FSTL5: variants seen among roughly 807,000 people sequenced by gnomAD.
The protein encoded by FSTL5 is follistatin-related protein 5.
Under a neutral mutation model 89.1 loss-of-function variants are expected in FSTL5, and 62 were observed. The ratio of observed to expected loss-of-function variants is 0.70; its 90% confidence interval spans 0.57 to 0.86. The LOEUF is 0.86. Ranked by LOEUF, FSTL5 falls within the 40% of genes least tolerant of loss-of-function variation. The pLI, the probability that FSTL5 is intolerant of heterozygous loss-of-function variation, is 0.00. For missense variants in FSTL5, 1,057 were observed against 1,001.6 expected (o/e 1.06, Z -0.75); for synonymous variants, 383 against 346.2 (o/e 1.11, Z -1.18).
chr4:161,700,356 T>C (rs1185633397), intron 6 of FSTL5, among the ~76,000 whole-genome samples: 1 of 152,138 alleles, frequency 6.6e-6, no homozygotes. Context: ...ATAATTCCTC[T>C]CTTCCCATAA....
rs147533849 is a variant in FSTL5, at chr4:161,429,092, C to T, written c.1841+25912G>A. Among the ~76,000 whole-genome samples, 18 of 152,102 alleles carry T rather than the reference C, an allele frequency of 1.2e-4. 1 individual carries two copies. The South Asian group carries it at 1.9e-3, about 16-fold the overall frequency. ...GTAGCCAGGCAGTGCTCACTGCAGG[C>T]CTGGGGCAGTGGGGACCACAAGGAG... On this transcript the variant is annotated intron_variant, in intron 15 of 15. Coordinates refer to ENST00000306100, the MANE Select transcript of FSTL5 (RefSeq NM_020116.5).
At chr4:161,966,697 G>T (rs1735336746) in intron 3 of FSTL5, among the ~76,000 whole-genome samples, 3 of 151,980 alleles carry the variant, frequency 2.0e-5, no homozygotes, top group Non-Finnish European at 2.9e-5. Flanking sequence ...CCCTTCTCTC[G>T]CTGCCCTCAG....
chr4:161,419,977 G>T (rs753558594), intron 15 of FSTL5, among the ~76,000 whole-genome samples: 5 of 152,210 alleles, frequency 3.3e-5, no homozygotes, highest in Non-Finnish European at 7.3e-5. Context: ...AACAGGCAAA[G>T]AAGAGAGTTA....
intron 7 of FSTL5, among the ~76,000 whole-genome samples, chr4:161,615,829 T>A (rs1356247060): frequency 6.6e-6 from 1 of 152,182 alleles, no homozygotes; most frequent in Non-Finnish European, 1.5e-5. Flanking sequence ...ACACTATTAT[T>A]ATATTTCTGA....
intron 4 of FSTL5, among the ~76,000 whole-genome samples, chr4:161,840,621 C>G (rs1025475494): frequency 1.3e-5 from 2 of 152,136 alleles, no homozygotes; most frequent in Non-Finnish European, 2.9e-5. Context: ...TTTAGGTGCT[C>G]TATCTCTTCC....
At chr4:161,504,279 G>C in intron 11 of FSTL5, among the ~76,000 whole-genome samples, 1 of 151,758 alleles carries the variant, frequency 6.6e-6, no homozygotes, top group Non-Finnish European at 1.5e-5. Flanking sequence ...CAAACACAAA[G>C]TTCTTTAAGT....
chr4:161,736,193 T>G (rs1402976136), intron 6 of FSTL5, among the ~76,000 whole-genome samples: 4 of 152,178 alleles, frequency 2.6e-5, no homozygotes, highest in Non-Finnish European at 5.9e-5. Context: ...AGAATGTTAT[T>G]TTCTTACAAT....
chr4:161,715,709 G>T (rs769425876), intron 6 of FSTL5, among the ~76,000 whole-genome samples: 6 of 152,146 alleles, frequency 3.9e-5, no homozygotes, highest in Non-Finnish European at 8.8e-5. Context: ...GTACATATTA[G>T]ATACAAAACT....
At chr4:161,417,385 T>G (rs1731826747) in intron 15 of FSTL5, among the ~76,000 whole-genome samples, 1 of 152,228 alleles carries the variant, frequency 6.6e-6, no homozygotes, top group African/African-American at 2.4e-5. Context: ...TTTGTATGTA[T>G]TATTTCATTC....
In FSTL5 at chr4:161,386,070, C is replaced by A; in HGVS notation, c.2221G>T (p.Asp741Tyr). ...GTAAAGGATGGTTGAAATGCCAGAT[C>A]AGATATGTGCAGATTTGTGTAAATA... ...FDIYTNLHIS[D>Y]LAFQPSFTEA... is the part of the protein sequence containing the mutation. Residue 741 changes from aspartate (D) to tyrosine (Y), a missense_variant, in exon 16 of 16, where the codon GAT becomes TAT. Coordinates refer to ENST00000306100, the MANE Select transcript of FSTL5 (RefSeq NM_020116.5). 6.2e-7 allele frequency: 1 copy of A among 1,613,890 alleles called. No individual in the cohort carries two copies. Among genetic ancestry groups the A allele is most frequent in the African/African-American group, 1.3e-5 (1 of 74,884 alleles).
chr4:161,966,689 C>T (rs1301256049), intron 3 of FSTL5, among the ~76,000 whole-genome samples: 2 of 152,086 alleles, frequency 1.3e-5, no homozygotes, highest in African/African-American at 2.4e-5. Flanking sequence ...GAAACAGACC[C>T]TTCTCTCGCT....
At chr4:161,661,510 G>A (rs1736710054) in intron 6 of FSTL5, among the ~76,000 whole-genome samples, 4 of 152,164 alleles carry the variant, frequency 2.6e-5, no homozygotes, top group Non-Finnish European at 4.4e-5. Context: ...CTTAGAAACT[G>A]TAAATGGAAT....
chr4:162,094,544 A>G (rs1356232458), intron 2 of FSTL5, among the ~76,000 whole-genome samples: 2 of 152,192 alleles, frequency 1.3e-5, no homozygotes, highest in Non-Finnish European at 2.9e-5. Flanking sequence ...AATAAATACA[A>G]TAGGTTTCTG....
At chr4:161,718,435 A>AT (rs902776299) in intron 6 of FSTL5, among the ~76,000 whole-genome samples, 85 of 147,028 alleles carry the variant, frequency 5.8e-4, no homozygotes, top group Admixed American at 6.8e-4. Context: ...ATGATAATAC[A>AT]TTTTTTTTTT....
intron 3 of FSTL5, among the ~76,000 whole-genome samples, chr4:161,992,752 G>A (rs1017917873): frequency 1.3e-5 from 2 of 148,938 alleles, no homozygotes; most frequent in Non-Finnish European, 3.0e-5. Flanking sequence ...CCTGAGGCAT[G>A]AGAATCGCTT....
intron 8 of FSTL5, among the ~76,000 whole-genome samples, chr4:161,563,465 T>C (rs58847603): frequency 0.48 from 72,486 of 151,768 alleles, 17,585 homozygotes; most frequent in Middle Eastern, 0.6. Flanking sequence ...GTTATTTTCC[T>C]GGGCTTTGTT....
chr4:161,533,068 G>C (rs115422611), intron 10 of FSTL5, among the ~76,000 whole-genome samples: 1,782 of 151,876 alleles, frequency 0.012, 28 homozygotes, highest in African/African-American at 0.04. Flanking sequence ...TTGGGTTGCT[G>C]CTTAAGCAGT....
chr4:162,024,530 C>T (rs1258951972), intron 3 of FSTL5, among the ~76,000 whole-genome samples: 1 of 152,168 alleles, frequency 6.6e-6, no homozygotes, highest in Admixed American at 6.6e-5. Flanking sequence ...AACATTACCA[C>T]AACATTTGGG....
intron 6 of FSTL5, among the ~76,000 whole-genome samples, chr4:161,707,768 A>C (rs984958602): frequency 5.9e-5 from 9 of 151,956 alleles, no homozygotes; most frequent in African/African-American, 2.2e-4. Context: ...GGTGATACAC[A>C]ATACAGGGTA....
Sources: gnomAD v4.1 joint callset for allele counts (sites outside exome capture counted in the v4.1 genomes callset) on GRCh38, gnomAD v4.1.1 for gene constraint, MANE v1.5 for transcripts, NCBI Gene and HGNC (gene_info 2026-07-23, HGNC 2026-07-21) for gene names.